Variants in DPH6 observed in about 807,000 individuals in gnomAD.
DPH6 encodes diphthine--ammonia ligase.
Under a neutral mutation model 38.2 loss-of-function variants are expected in DPH6, and 33 were observed. The ratio of observed to expected loss-of-function variants is 0.86; its 90% CI spans 0.65 to 1.15. The LOEUF (loss-of-function observed/expected upper bound fraction) is 1.15. Ranked by LOEUF, DPH6 falls within the 50% of genes most tolerant of loss-of-function variation. The pLI, the probability that DPH6 is intolerant of heterozygous loss-of-function variation, is 0.00. For synonymous variants in DPH6, 108 were observed against 103.0 expected (o/e 1.05, Z -0.30); for missense variants, 325 against 320.0 (o/e 1.02, Z -0.12).
At chr15:35,265,986 C>T (rs116435291) in intron 3 of DPH6, among the ~76,000 whole-genome samples, 1 of 152,140 alleles carries the variant, frequency 6.6e-6, no homozygotes, top group African/African-American at 2.4e-5. Context: ...AATCTGAATA[C>T]AAGTTCTCCA....
At chr15:35,233,342 T>C (rs1049617222) in intron 3 of DPH6, among the ~76,000 whole-genome samples, 4 of 152,108 alleles carry the variant, frequency 2.6e-5, no homozygotes, top group Non-Finnish European at 4.4e-5. Flanking sequence ...GGGTACTACA[T>C]GTACAGACAT....
chr15:35,297,106 G>T (rs925855131), intron 3 of DPH6, among the ~76,000 whole-genome samples: 1 of 152,056 alleles, frequency 6.6e-6, no homozygotes, highest in African/African-American at 2.4e-5. Flanking sequence ...CCAACACACA[G>T]ATTTAGATTC....
In DPH6 at chr15:35,308,606, C is replaced by T. The variant is rs569864835; in HGVS notation, n.200+64915G>A. Reference sequence around the variant, plus strand: ...CCATAATTGGAAAGACAATTCCTACCGAAATGAGTTTATACCTATACCCAG... The same window carrying T: ...CCATAATTGGAAAGACAATTCCTACTGAAATGAGTTTATACCTATACCCAG... On this transcript the variant is annotated intron_variant and non_coding_transcript_variant, in intron 3 of 3. Transcript: ENST00000560386. Among the ~76,000 whole-genome samples the T allele has an allele frequency of 2.5e-3, 383 of 151,996 alleles. 1 individual carries two copies. Among genetic ancestry groups the T allele is most frequent in the African/African-American group, 3.6e-3 (150 of 41,496 alleles).
chr15:35,163,542 T>C, the DPH6 span, among the ~76,000 whole-genome samples: 1 of 151,934 alleles, frequency 6.6e-6, no homozygotes, highest in Non-Finnish European at 1.5e-5. Context: ...GCATATTTGA[T>C]TTAATAAGCA....
Position 35,373,596 on chromosome 15 carries a change from T to G in DPH6, c.675A>C (p.Glu225Asp), listed in dbSNP as rs1037836040. 5.0e-6 allele frequency: 8 copies of G among 1,605,448 alleles called. No homozygotes were observed. The highest frequency in any genetic ancestry group is 5.1e-6 in the Non-Finnish European group (6 of 1,176,726). The change falls in exon 8 of 9, where the codon GAA becomes GAC. Residue 225 changes from glutamate to aspartate, a missense_variant. Glu to Asp is a conservative substitution (Grantham distance 45, BLOSUM62 2). Coordinates refer to ENST00000256538, the MANE Select transcript of DPH6 (RefSeq NM_080650.4). ...FKKKIIVDSS[E>D]VVIHSADAFA... The stretch of plus-strand genomic sequence containing the variant: ...ATGCATCAGCTGAATGTATGACTAC[T>G]TCTGATGAATCCCTGAAATACAAAA...
intron 3 of DPH6, among the ~76,000 whole-genome samples, chr15:35,220,779 T>C (rs1381345099): frequency 5.9e-5 from 9 of 152,104 alleles, no homozygotes; most frequent in Non-Finnish European, 1.3e-4. Context: ...ATTCAAAACA[T>C]AGTATTCTAC....
intron 5 of DPH6, among the ~76,000 whole-genome samples, chr15:35,430,375 T>C (rs1406264147): frequency 2.0e-5 from 3 of 148,468 alleles, no homozygotes; most frequent in Non-Finnish European, 3.0e-5. Context: ...ACTTGATATG[T>C]TAAACAACCT....
chr15:35,489,339 A>G, intron 3 of DPH6: 13 of 985,290 alleles, frequency 1.3e-5, no homozygotes, highest in Non-Finnish European at 1.6e-5. Flanking sequence ...GAATTTTTTG[A>G]AAGTGCTCCA....
At chr15:35,307,271 C>T (rs2052099668) in intron 3 of DPH6, among the ~76,000 whole-genome samples, 1 of 152,084 alleles carries the variant, frequency 6.6e-6, no homozygotes, top group Non-Finnish European at 1.5e-5. Context: ...TCATCTCTCA[C>T]TCTGTATTGG....
chr15:35,447,879 G>A (rs1011680830), intron 5 of DPH6, among the ~76,000 whole-genome samples: 2 of 151,710 alleles, frequency 1.3e-5, no homozygotes, highest in African/African-American at 2.4e-5. Flanking sequence ...TTCCTATATC[G>A]CAATCCTAGA....
chr15:35,204,658 T>C, the DPH6 span, among the ~76,000 whole-genome samples: 1 of 151,780 alleles, frequency 6.6e-6, no homozygotes, highest in East Asian at 1.9e-4. Flanking sequence ...CAAAATACAG[T>C]AAAAGGAGTA....
Position 35,538,860 on chromosome 15 carries a change from T to C in DPH6, c.119-393A>G, listed in dbSNP as rs1182779159. Among the ~76,000 whole-genome samples the C allele has an allele frequency of 5.3e-5, 8 of 151,960 alleles. No homozygotes were observed. In the East Asian group the frequency reaches 1.4e-3, roughly 26 times the overall value. ...TTATTCATGAAGTCATCTAGACTTGTAGAAAAAAAAACCTTTCTTAATTAA... is the reference window on the plus strand; with the variant it reads ...TTATTCATGAAGTCATCTAGACTTGCAGAAAAAAAAACCTTTCTTAATTAA... On this transcript the variant is annotated intron_variant, in intron 2 of 8. Coordinates refer to ENST00000256538, the MANE Select transcript of DPH6 (RefSeq NM_080650.4).
chr15:35,344,385 A>C (rs1485213188), intron 3 of DPH6, among the ~76,000 whole-genome samples: 1 of 151,978 alleles, frequency 6.6e-6, no homozygotes, highest in Admixed American at 6.6e-5. Flanking sequence ...AAAATTCAAA[A>C]TATACATAAG....
chr15:35,260,370 T>G (rs2051738421), intron 3 of DPH6, among the ~76,000 whole-genome samples: 1 of 152,110 alleles, frequency 6.6e-6, no homozygotes, highest in African/African-American at 2.4e-5. Context: ...CCTCCCAAAG[T>G]GTTCGGATTA....
At chr15:35,395,450 C>T (rs1279723359) in intron 6 of DPH6, among the ~76,000 whole-genome samples, 7 of 152,158 alleles carry the variant, frequency 4.6e-5, no homozygotes, top group African/African-American at 1.4e-4. Flanking sequence ...ATCACTTGGC[C>T]TATCTCTCAA....
chr15:35,273,214 T>C (rs1461878380), intron 3 of DPH6, among the ~76,000 whole-genome samples: 3 of 152,188 alleles, frequency 2.0e-5, no homozygotes, highest in East Asian at 1.9e-4. Context: ...TAAGTTCTTT[T>C]GTGGTGATTT....
chr15:35,378,904 C>T (rs1241692706), intron 7 of DPH6, among the ~76,000 whole-genome samples: 1 of 152,152 alleles, frequency 6.6e-6, no homozygotes, highest in African/African-American at 2.4e-5. Flanking sequence ...AGCAAACCAC[C>T]ATGGCACGTG....
chr15:35,543,389 C>T (rs2055295206), intron 1 of DPH6, among the ~76,000 whole-genome samples: 1 of 150,838 alleles, frequency 6.6e-6, no homozygotes, highest in Non-Finnish European at 1.5e-5. Context: ...CTACCTAAGG[C>T]AGACGCATAT....
intron 3 of DPH6, among the ~76,000 whole-genome samples, chr15:35,359,633 G>C (rs974951371): frequency 6.6e-6 from 1 of 152,146 alleles, no homozygotes; most frequent in African/African-American, 2.4e-5. Context: ...CCCATAAACA[G>C]ACCTTCAGTT....
Sources: allele counts gnomAD v4.1 joint callset (sites outside exome capture counted in the v4.1 genomes callset), GRCh38; gene constraint gnomAD v4.1.1; transcripts MANE v1.5; gene names NCBI Gene and HGNC (gene_info 2026-07-23, HGNC 2026-07-21).